The following ADGRV1 variants were observed in gnomAD, a reference collection of about 807,000 sequenced individuals.
ADGRV1 encodes G-protein coupled receptor 98.
ADGRV1 carries 359 observed loss-of-function variants against 596.2 expected under a neutral mutation model. That is an observed-to-expected ratio of 0.60 (90% CI 0.55 to 0.66). ADGRV1 has a LOEUF of 0.66. Ranked by LOEUF, ADGRV1 falls within the 30% of genes least tolerant of loss-of-function variation. The pLI, the probability that ADGRV1 is intolerant of heterozygous loss-of-function variation, is 0.00. For missense variants in ADGRV1, 7,274 were observed against 7,575.6 expected, an observed-to-expected ratio of 0.96 and a Z score of 1.48; for synonymous variants, 2,681 against 2,679.2, an observed-to-expected ratio of 1.00 and a Z score of -0.02.
At chr5:91,072,121 CT>C (rs1325577212) in intron 85 of ADGRV1, among the ~76,000 whole-genome samples, 1 of 152,026 alleles carries the variant, frequency 6.6e-6, no homozygotes, top group Non-Finnish European at 1.5e-5. Context: ...TTTCTGTGGC[CT>C]TTTTAAAATG....
At chr5:90,971,499 T>C (rs1484416360) in intron 84 of ADGRV1, among the ~76,000 whole-genome samples, 1 of 152,072 alleles carries the variant, frequency 6.6e-6, no homozygotes, top group Non-Finnish European at 1.5e-5. Flanking sequence ...TAACAGCAGA[T>C]CTCTCCGCAG....
At chr5:90,702,684 T>G (rs141600833) in intron 34 of ADGRV1, among the ~76,000 whole-genome samples, 141 of 152,096 alleles carry the variant, frequency 9.3e-4, no homozygotes, top group African/African-American at 3.3e-3. Flanking sequence ...AAGATATTAC[T>G]TATATACACA....
At chr5:91,119,154 G>A (rs1008335787) in intron 87 of ADGRV1, among the ~76,000 whole-genome samples, 1 of 150,396 alleles carries the variant, frequency 6.6e-6, no homozygotes, top group African/African-American at 2.5e-5. Context: ...ATTCATCAGG[G>A]AATTTTTTTT....
At chr5:90,670,706 T>C (rs890062659) in intron 21 of ADGRV1, among the ~76,000 whole-genome samples, 7 of 152,090 alleles carry the variant, frequency 4.6e-5, no homozygotes, top group African/African-American at 1.2e-4. Flanking sequence ...TAGCAACTGG[T>C]GGTTGCTGAA....
Position 91,163,885 on chromosome 5 carries a change from C to G in ADGRV1, c.18906C>G (p.Ala6302=). 1.3e-6 allele frequency: 2 copies of G among 1,544,116 alleles called. No individual in the cohort carries two copies. The highest frequency in any genetic ancestry group is 4.5e-5 in the East Asian group (2 of 44,424). The change falls in exon 90 of 90, where the codon GCC becomes GCG. Residue 6302 remains alanine (A), a synonymous_variant. Transcript: ENST00000405460. ...QIVELRRIPI[A]DTHL Reference sequence around the variant, plus strand: ...TGGAGCTCAGGAGGATACCCATCGCCGACACTCACCTGTAGCACCTCACTA... The same window carrying G: ...TGGAGCTCAGGAGGATACCCATCGCGGACACTCACCTGTAGCACCTCACTA...
At chr5:90,986,084 G>A (rs1780472881) in intron 85 of ADGRV1, among the ~76,000 whole-genome samples, 1 of 79,378 alleles carries the variant, frequency 1.3e-5, no homozygotes, top group Admixed American at 1.2e-4. Context: ...ACATATATAT[G>A]CATAATATAT....
At chr5:90,679,165 G>C (rs1744619159) in intron 25 of ADGRV1, among the ~76,000 whole-genome samples, 1 of 152,102 alleles carries the variant, frequency 6.6e-6, no homozygotes, top group African/African-American at 2.4e-5. Context: ...ATGGTAAGGT[G>C]ATTATCACAG....
At chr5:91,132,520 C>A (rs1169801720) in intron 87 of ADGRV1, among the ~76,000 whole-genome samples, 2 of 152,178 alleles carry the variant, frequency 1.3e-5, no homozygotes, top group Non-Finnish European at 2.9e-5. Flanking sequence ...ACAGAGGTTG[C>A]ATTTTACTGT....
Position 90,863,754 on chromosome 5 carries a change from C to T in ADGRV1, c.17756-3C>T. On this transcript the variant is annotated splice_polypyrimidine_tract_variant and splice_region_variant and intron_variant, in intron 82 of 89. Transcript: ENST00000405460. ...CCATATGTGGACTTTTTTGTTCCTA[C>T]AGGTCTTTGCTTGGCTGTTCTTTCC... The T allele has an allele frequency of 1.2e-6, 2 of 1,607,592 alleles. No homozygotes were observed. The highest frequency in any genetic ancestry group is 1.7e-6 in the Non-Finnish European group (2 of 1,174,240).
chr5:91,099,472 G>A (rs1791175822), intron 86 of ADGRV1, among the ~76,000 whole-genome samples: 1 of 152,236 alleles, frequency 6.6e-6, no homozygotes, highest in Non-Finnish European at 1.5e-5. Flanking sequence ...AGGAATCCAT[G>A]TGAGGGGTGC....
At chr5:90,713,527 T>C (rs747124178) in intron 42 of ADGRV1, among the ~76,000 whole-genome samples, 28 of 152,152 alleles carry the variant, frequency 1.8e-4, no homozygotes, top group Admixed American at 1.5e-3. Context: ...TAAACACATA[T>C]AATTTATTGG....
At chr5:90,870,930 G>C (rs1215199703) in intron 83 of ADGRV1, among the ~76,000 whole-genome samples, 5 of 152,096 alleles carry the variant, frequency 3.3e-5, no homozygotes, top group African/African-American at 1.2e-4. Flanking sequence ...GAATTTTTTA[G>C]GTCTAGGCAA....
chr5:90,564,312 G>A (rs1319766146), intron 1 of ADGRV1, among the ~76,000 whole-genome samples: 3 of 152,202 alleles, frequency 2.0e-5, no homozygotes, highest in Non-Finnish European at 4.4e-5. Context: ...TGGCAGACTA[G>A]TAAGCTAAGG....
intron 59 of ADGRV1, among the ~76,000 whole-genome samples, chr5:90,770,809 G>T (rs999634249): frequency 6.6e-6 from 1 of 152,246 alleles, no homozygotes; most frequent in South Asian, 2.1e-4. Context: ...CTTCCCAGAG[G>T]TAACCGCTAT....
At chr5:90,799,418 G>C (rs143881075) in intron 70 of ADGRV1, among the ~76,000 whole-genome samples, 8 of 152,122 alleles carry the variant, frequency 5.3e-5, no homozygotes, top group African/African-American at 1.9e-4. Flanking sequence ...CTGCTCAAGG[G>C]AATAAGAGAG....
At chr5:90,816,557 C>T (rs1049995291) in intron 75 of ADGRV1, among the ~76,000 whole-genome samples, 12 of 145,626 alleles carry the variant, frequency 8.2e-5, no homozygotes, top group African/African-American at 3.0e-4. Flanking sequence ...GCTATCCTTC[C>T]CCCCTCCCCC....
chr5:91,152,971 A>C (rs1796182365), intron 88 of ADGRV1, among the ~76,000 whole-genome samples: 1 of 152,190 alleles, frequency 6.6e-6, no homozygotes, highest in Non-Finnish European at 1.5e-5. Flanking sequence ...TAATCACGGC[A>C]CTTTGAGAGG....
Position 90,829,025 on chromosome 5 carries a change from G to A in ADGRV1, c.16450G>A (p.Ala5484Thr), listed in dbSNP as rs576727094. The stretch of plus-strand genomic sequence containing the variant: ...AGCAATAAACAACAGTGCCAGATTC[G>A]CACAGATTAAAATCTTAGAAAGTGA... Reference protein sequence around the residue: ...GAAINNSARFAQIKILESDES... With the variant: ...GAAINNSARFTQIKILESDES... The change falls in exon 77 of 90, where the codon GCA becomes ACA. Residue 5484 changes from alanine to threonine, a missense_variant. Transcript: ENST00000405460. The A allele has an allele frequency of 7.4e-6, 12 of 1,611,652 alleles. No individual in the cohort carries two copies. The highest frequency in any genetic ancestry group is 4.0e-5 in the African/African-American group (3 of 74,866).
intron 55 of ADGRV1, 23 bp from the exon 56 acceptor site, chr5:90,756,431 C>A: frequency 1.1e-5 from 16 of 1,423,618 alleles, no homozygotes; most frequent in South Asian, 8.0e-5. Flanking sequence ...AATGAAACAC[C>A]ATCTTTTTCC....
Sources: allele counts gnomAD v4.1 joint callset (sites outside exome capture counted in the v4.1 genomes callset), GRCh38; gene constraint gnomAD v4.1.1; transcripts MANE v1.5; gene names NCBI Gene and HGNC (gene_info 2026-07-23, HGNC 2026-07-21).